HSD3B7: variants seen among roughly 807,000 people sequenced by gnomAD.
The protein encoded by HSD3B7 is hydroxy-delta-5-steroid dehydrogenase, 3 beta- and steroid delta-isomerase 7, also known as 3 beta-hydroxysteroid dehydrogenase type 7.
Under a neutral mutation model 34.3 loss-of-function variants are expected in HSD3B7, and 35 were observed. The ratio of observed to expected loss-of-function variants is 1.02; its 90% CI spans 0.78 to 1.35. The LOEUF (loss-of-function observed/expected upper bound fraction) is 1.35. HSD3B7 is among the 40% of genes most tolerant of loss of function. The pLI is 0.00. For missense variants in HSD3B7, 426 were observed against 504.7 expected (o/e 0.84, Z 1.49); for synonymous variants, 217 against 220.1 (o/e 0.99, Z 0.13).
In HSD3B7 at chr16:30,985,239, T is replaced by G; in HGVS notation, c.-65T>G. On this transcript the variant is annotated 5_prime_UTR_variant, in exon 1 of 7. Transcript: ENST00000297679. ...GGACGGTGTGCGGGCCGGCCAGCCC[T>G]GGACGAAAGAAGAGGGCCCCTCCAG... 8.9e-7 allele frequency: 1 copy of G among 1,123,218 alleles called. No homozygotes were observed. Among genetic ancestry groups the G allele is most frequent in the Non-Finnish European group, 1.1e-6 (1 of 908,896 alleles). The allele number at this position is 1,123,218 out of a possible 1,614,324, so 69.6% of individuals were successfully genotyped here. A position where few individuals can be genotyped will look rare whatever the true frequency, so the allele number is the denominator to read the frequency against.
chr16:30,985,330 CT>C, intron 1 of HSD3B7, 33 bp downstream of exon 1: 1 of 1,243,412 alleles, frequency 8.0e-7, no homozygotes, highest in Non-Finnish European at 1.0e-6. Context: ...CCCAGGTGGC[CT>C]TTCCCTCCAT....
At chr16:30,986,305 G>T in intron 3 of HSD3B7, 101 bp downstream of exon 3, 1 of 1,557,678 alleles carries the variant, frequency 6.4e-7, no homozygotes, top group South Asian at 1.2e-5. Flanking sequence ...TTGTCCTATT[G>T]ACAGCCCTGC....
intron 6 of HSD3B7, 70 bp downstream of exon 6, chr16:30,987,072 C>T (rs1328916167): frequency 2.0e-6 from 3 of 1,500,316 alleles, no homozygotes; most frequent in African/African-American, 2.8e-5. Context: ...GGGGGCAGGA[C>T]CCACATGGCC....
At chr16:30,985,395 C>T (rs2056452678) in intron 1 of HSD3B7, 98 bp downstream of exon 1, 1 of 1,377,258 alleles carries the variant, frequency 7.3e-7, no homozygotes, top group South Asian at 1.5e-5. Context: ...AACTCCTGGC[C>T]TCCCCACCCT....
intron 6 of HSD3B7, 136 bp downstream of exon 6, chr16:30,987,138 G>A (rs2056493000): frequency 1.2e-6 from 1 of 867,200 alleles, no homozygotes; most frequent in South Asian, 1.8e-5. Flanking sequence ...ATGGGCCAAG[G>A]TAGACTGTGA....
At chr16:30,986,250 C>T (rs772224910) in intron 3 of HSD3B7, 46 bp downstream of exon 3, 66 of 1,603,050 alleles carry the variant, frequency 4.1e-5, no homozygotes, top group Non-Finnish European at 5.5e-5. Flanking sequence ...GTTTGTTCCC[C>T]ACTCTGTCTT....
Position 30,988,102 on chromosome 16 carries a change from C to A in HSD3B7, c.1029C>A (p.Gly343=). 2 of 1,605,970 alleles carry A rather than the reference C, an allele frequency of 1.2e-6. No individual in the cohort carries two copies. The highest frequency in any genetic ancestry group is 8.5e-7 in the Non-Finnish European group (1 of 1,178,386). ...CCGACAAGGCTCAGCGCCATTTCGGCTATGAGCCCCTGTTCTCGTGGGAGG... is the reference window on the plus strand; with the variant it reads ...CCGACAAGGCTCAGCGCCATTTCGGATATGAGCCCCTGTTCTCGTGGGAGG... The part of the protein sequence containing the change: ...VSTDKAQRHF[G]YEPLFSWEDS... The change falls in exon 7 of 7, where the codon GGC becomes GGA. Residue 343 remains glycine (G), a synonymous_variant. Transcript: ENST00000297679.
In HSD3B7 at chr16:30,985,639, G is replaced by A; in HGVS notation, c.-6-14G>A. The A allele has an allele frequency of 6.3e-7, 1 of 1,595,064 alleles. No individual in the cohort carries two copies. Among genetic ancestry groups the A allele is most frequent in the South Asian group, 1.1e-5 (1 of 88,668 alleles). Reference sequence around the variant, plus strand: ...GGCAGCCAGCCCCTGGATGAGCCAAGGTCTCTTCCCCAGCCAGGCATGGCC... The same window carrying A: ...GGCAGCCAGCCCCTGGATGAGCCAAAGTCTCTTCCCCAGCCAGGCATGGCC... On this transcript the variant is annotated splice_polypyrimidine_tract_variant and intron_variant, in intron 1 of 6. Coordinates refer to ENST00000297679, the MANE Select transcript of HSD3B7 (RefSeq NM_025193.4).
In HSD3B7 at chr16:30,987,614, C is replaced by G. The variant is rs1406840926; in HGVS notation, c.695-154C>G. On this transcript the variant is annotated intron_variant, in intron 6 of 6. Transcript: ENST00000297679. Reference sequence around the variant, plus strand: ...CTGGCCCAGGAGAGCAAGTGACTACCAGGGCGAGGGAGAAGGCAGCCTTTC... The same window carrying G: ...CTGGCCCAGGAGAGCAAGTGACTACGAGGGCGAGGGAGAAGGCAGCCTTTC... 4.8e-6 allele frequency: 4 copies of G among 829,580 alleles called. No homozygotes were observed. The East Asian group carries it at 1.0e-4, about 21-fold the overall frequency. 51.4% of individuals were successfully genotyped at this position (829,580 alleles called of 1,614,324 possible). A position where few individuals can be genotyped will look rare whatever the true frequency, so the allele number is the denominator to read the frequency against.
chr16:30,985,345 G>A, intron 1 of HSD3B7, 48 bp downstream of exon 1: 1 of 1,270,598 alleles, frequency 7.9e-7, no homozygotes, highest in East Asian at 4.1e-5. Context: ...CCTCCATCCG[G>A]CCCTTCCCAC....
chr16:30,986,045 C>T lies in HSD3B7; in HGVS notation c.167-4C>T, dbSNP rs1368665531. ...CATGGCCTGTGTCCTCCAACCCCGGCCAGGGCCTGTGAGGGTGACTGCCAT... is the reference window on the plus strand; with the variant it reads ...CATGGCCTGTGTCCTCCAACCCCGGTCAGGGCCTGTGAGGGTGACTGCCAT... On this transcript the variant is annotated splice_region_variant and splice_polypyrimidine_tract_variant and intron_variant, in intron 2 of 6. Transcript: ENST00000297679. The T allele has an allele frequency of 6.2e-7, 1 of 1,612,358 alleles. No individual in the cohort carries two copies. The highest frequency in any genetic ancestry group is 1.3e-5 in the African/African-American group (1 of 74,910).
intron 6 of HSD3B7, chr16:30,987,212 C>A: frequency 1.7e-6 from 1 of 603,840 alleles, no homozygotes; most frequent in Non-Finnish European, 2.9e-6. Context: ...AAAAGTGTAT[C>A]ATAGGCTACA....
chr16:30,985,353 C>A, intron 1 of HSD3B7, 56 bp downstream of exon 1: 3 of 1,289,362 alleles, frequency 2.3e-6, no homozygotes, highest in Non-Finnish European at 3.0e-6. Context: ...CGGCCCTTCC[C>A]ACCTTCCTAT....
At chr16:30,987,370 C>T (rs1033217876) in intron 6 of HSD3B7, 13 of 415,596 alleles carry the variant, frequency 3.1e-5, no homozygotes, top group Non-Finnish European at 3.6e-5. Context: ...TGGCCTGAGC[C>T]CAGGAGTTGG....
At chr16:30,986,315 C>T (rs1567371006) in intron 3 of HSD3B7, 108 bp from the exon 4 acceptor site, 6 of 1,540,152 alleles carry the variant, frequency 3.9e-6, no homozygotes, top group Non-Finnish European at 4.4e-6. Flanking sequence ...GACAGCCCTG[C>T]CCCCGCCTCC....
chr16:30,987,986 C>T lies in HSD3B7; in HGVS notation c.913C>T (p.Leu305=). ...LVFLAALNAL[L]QWLLRPLVLY... is the part of the protein sequence containing the mutation. The stretch of plus-strand genomic sequence containing the variant: ...GTTCCTGGCTGCCCTCAATGCCCTG[C>T]TGCAGTGGCTGCTGCGGCCACTGGT... The change falls in exon 7 of 7, where the codon CTG becomes TTG. Residue 305 remains leucine, a synonymous_variant. Coordinates refer to ENST00000297679, the MANE Select transcript of HSD3B7 (RefSeq NM_025193.4). 6.2e-7 allele frequency: 1 copy of T among 1,610,600 alleles called. No individual in the cohort carries two copies. Among genetic ancestry groups the T allele is most frequent in the Non-Finnish European group, 8.5e-7 (1 of 1,179,992 alleles).
At position 30,986,523 on chromosome 16, in the gene HSD3B7, C is replaced by A. The variant is rs199732996; in HGVS notation, c.423C>A (p.Pro141=). ...EVVGPNTKGH[P]FYRGNEDTPY... is the part of the protein sequence containing the mutation. ...TGGGGCCTAACACCAAAGGTCACCC[C>A]TTCTACAGGTGAGTGGCAGGCCCTC... Residue 141 remains proline, a synonymous_variant, in exon 4 of 7, where the codon CCC becomes CCA. Transcript: ENST00000297679. 2.7e-5 allele frequency: 44 copies of A among 1,613,680 alleles called. No individual in the cohort carries two copies. The Admixed American group carries it at 4.7e-4, about 17-fold the overall frequency.
At chr16:30,986,373 ATGCAGAGAGGGAAGAAGC>A in intron 3 of HSD3B7, 32 bp from the exon 4 acceptor site, 3 of 1,582,522 alleles carry the variant, frequency 1.9e-6, no homozygotes, top group Non-Finnish European at 1.7e-6. Context: ...GAGGAGGAAG[ATGCAGAGAGGGAAGAAGC>A]TGCAGCTTGG....
rs1299660157 is a variant in HSD3B7 at position 30,987,993 on chromosome 16, G to A, written c.920G>A (p.Trp307Ter). The A allele has an allele frequency of 6.2e-7, 1 of 1,609,880 alleles. No homozygotes were observed. The highest frequency in any genetic ancestry group is 8.5e-7 in the Non-Finnish European group (1 of 1,179,974). The change falls in exon 7 of 7, where the codon TGG (tryptophan) becomes TAG (stop). Residue 307 changes from tryptophan to a stop codon, truncating the protein, a stop_gained. Coordinates refer to ENST00000297679, the MANE Select transcript of HSD3B7 (RefSeq NM_025193.4). LOFTEE classifies it high-confidence loss of function. ...GCTGCCCTCAATGCCCTGCTGCAGT[G>A]GCTGCTGCGGCCACTGGTGCTCTAC... is the stretch of plus-strand genomic sequence containing the variant. ...FLAALNALLQ[W>*]LLRPLVLYAP... is the part of the protein sequence containing the mutation.
Sources: allele counts gnomAD v4.1 joint callset, GRCh38; gene constraint gnomAD v4.1.1; transcripts MANE v1.5; gene names NCBI Gene and HGNC (gene_info 2026-07-23, HGNC 2026-07-21).